RABGAP1L: variants seen among roughly 807,000 people sequenced by gnomAD.
RABGAP1L encodes rab GTPase-activating protein 1-like.
Under a neutral mutation model 137.7 loss-of-function variants are expected in RABGAP1L, and 63 were observed. The ratio of observed to expected loss-of-function variants is 0.46; its 90% confidence interval spans 0.37 to 0.56. RABGAP1L has a LOEUF of 0.56. Ranked by LOEUF, RABGAP1L falls within the 20% of genes least tolerant of loss-of-function variation. The pLI is 0.00. For synonymous variants in RABGAP1L, 431 were observed against 433.7 expected (o/e 0.99, Z 0.08); for missense variants, 1,095 against 1,244.0 (o/e 0.88, Z 1.80).
At chr1:174,606,514 T>A (rs760965925) in intron 13 of RABGAP1L, among the ~76,000 whole-genome samples, 1 of 152,244 alleles carries the variant, frequency 6.6e-6, no homozygotes, top group African/African-American at 2.4e-5. Context: ...CGTTAATTGG[T>A]TGGTCTTTAT....
At chr1:174,412,845 G>A (rs1328358233) in intron 13 of RABGAP1L, among the ~76,000 whole-genome samples, 2 of 151,980 alleles carry the variant, frequency 1.3e-5, no homozygotes, top group Admixed American at 6.6e-5. Flanking sequence ...TAGCCTGATG[G>A]GGTTCCCTTT....
At chr1:174,893,487 GA>G (rs1263987478) in intron 19 of RABGAP1L, among the ~76,000 whole-genome samples, 3 of 151,958 alleles carry the variant, frequency 2.0e-5, no homozygotes. Context: ...TAGGAAGAAA[GA>G]AAAAAACAAA....
chr1:174,886,136 A>G (rs943495828), intron 19 of RABGAP1L, among the ~76,000 whole-genome samples: 1 of 150,202 alleles, frequency 6.7e-6, no homozygotes, highest in African/African-American at 2.5e-5. Context: ...ACCTCAGCCT[A>G]TGGGTAGCTG....
chr1:174,450,326 G>C (rs1655291526), intron 13 of RABGAP1L, among the ~76,000 whole-genome samples: 1 of 152,058 alleles, frequency 6.6e-6, no homozygotes, highest in Non-Finnish European at 1.5e-5. Flanking sequence ...TGTGTGATAT[G>C]CGTTTGCACA....
chr1:174,225,282 T>G lies in RABGAP1L; in HGVS notation c.331+4118T>G, dbSNP rs964629013. 6.6e-5 allele frequency among the ~76,000 whole-genome samples: 10 copies of G among 152,108 alleles called. No homozygotes were observed. In the East Asian group the frequency reaches 1.3e-3, roughly 20 times the overall value. ...GTTTTTTTGTTTCTCTGTGGATAGT[T>G]TTGATATTTTTATTCATTACAGGTG... is the stretch of plus-strand genomic sequence containing the variant. On this transcript the variant is annotated intron_variant, in intron 3 of 25. Coordinates refer to ENST00000681986, the MANE Select transcript of RABGAP1L (RefSeq NM_001366446.1).
chr1:174,174,912 G>A (rs1404592720), intron 1 of RABGAP1L, among the ~76,000 whole-genome samples: 2 of 152,174 alleles, frequency 1.3e-5, no homozygotes, highest in Non-Finnish European at 2.9e-5. Context: ...ATAGGCAAAT[G>A]CGGAAATAAT....
intron 22 of RABGAP1L, among the ~76,000 whole-genome samples, chr1:174,977,819 A>G (rs931621868): frequency 6.6e-6 from 1 of 152,220 alleles, no homozygotes; most frequent in Non-Finnish European, 1.5e-5. Context: ...AGATCAATAT[A>G]AACAACTGAG....
intron 13 of RABGAP1L, among the ~76,000 whole-genome samples, chr1:174,630,788 T>G (rs1307065295): frequency 6.9e-6 from 1 of 145,044 alleles, no homozygotes; most frequent in Admixed American, 6.8e-5. Flanking sequence ...TCTCTTTTTT[T>G]CTTTATTAGT....
chr1:174,975,926 C>T (rs1174563755), intron 21 of RABGAP1L, 152 bp from the exon 22 acceptor site: 1 of 626,078 alleles, frequency 1.6e-6, no homozygotes, highest in Non-Finnish European at 2.8e-6. Flanking sequence ...TCAGTGAAAG[C>T]AGCCATCGCT....
intron 18 of RABGAP1L, among the ~76,000 whole-genome samples, chr1:174,790,486 G>T (rs892887070): frequency 4.6e-5 from 7 of 151,662 alleles, no homozygotes; most frequent in Admixed American, 2.6e-4. Flanking sequence ...AGCCAGGCAT[G>T]ATGGCTGGCT....
intron 17 of RABGAP1L, among the ~76,000 whole-genome samples, chr1:174,714,751 T>C (rs1680861607): frequency 6.6e-6 from 1 of 152,176 alleles, no homozygotes; most frequent in Non-Finnish European, 1.5e-5. Context: ...GTCTGTATTA[T>C]TCTCTATCAA....
intron 7 of RABGAP1L, among the ~76,000 whole-genome samples, chr1:174,256,402 A>G (rs1403919841): frequency 6.6e-6 from 1 of 152,186 alleles, no homozygotes; most frequent in Non-Finnish European, 1.5e-5. Context: ...TTCTGATTAC[A>G]TAGTTAAGAT....
At position 174,402,914 on chromosome 1, in the gene RABGAP1L, A is replaced by G. The variant is rs191582925; in HGVS notation, c.1710+8769A>G. 1.5e-3 allele frequency among the ~76,000 whole-genome samples: 233 copies of G among 152,284 alleles called. 1 individual carries two copies. The highest frequency in any genetic ancestry group is 0.013 in the Admixed American group (204 of 15,284). ...GGCAAGTCAAATTTTATGTAGCATG[A>G]CAGAACTGTGTGTGTACTTTCAGTA... On this transcript the variant is annotated intron_variant, in intron 13 of 25. Transcript: ENST00000681986.
intron 19 of RABGAP1L, among the ~76,000 whole-genome samples, chr1:174,927,460 G>C (rs1176868664): frequency 6.6e-6 from 1 of 152,110 alleles, no homozygotes; most frequent in Admixed American, 6.6e-5. Flanking sequence ...GAACTCCTGA[G>C]CTCATGCAGT....
chr1:174,303,339 A>G (rs1677901194), intron 10 of RABGAP1L, among the ~76,000 whole-genome samples: 1 of 152,120 alleles, frequency 6.6e-6, no homozygotes, highest in South Asian at 2.1e-4. Context: ...TGTTTAAAAT[A>G]TAAAAAGCCT....
At chr1:174,357,552 T>C (rs529854575) in intron 11 of RABGAP1L, among the ~76,000 whole-genome samples, 3 of 152,332 alleles carry the variant, frequency 2.0e-5, no homozygotes, top group Admixed American at 2.0e-4. Context: ...ATGTTGTAGA[T>C]ATTAAACACA....
At chr1:174,445,207 A>C (rs1281931638) in intron 13 of RABGAP1L, among the ~76,000 whole-genome samples, 1 of 152,130 alleles carries the variant, frequency 6.6e-6, no homozygotes, top group Non-Finnish European at 1.5e-5. Context: ...GTTCTAAGTC[A>C]CTTTTAAGAA....
At chr1:174,798,462 A>C (rs1188286701) in intron 18 of RABGAP1L, among the ~76,000 whole-genome samples, 1 of 152,042 alleles carries the variant, frequency 6.6e-6, no homozygotes, top group Non-Finnish European at 1.5e-5. Flanking sequence ...GCAATATATA[A>C]ATATTTCATT....
At chr1:174,888,870 A>G (rs1205833207) in intron 19 of RABGAP1L, among the ~76,000 whole-genome samples, 1 of 152,180 alleles carries the variant, frequency 6.6e-6, no homozygotes, top group African/African-American at 2.4e-5. Flanking sequence ...CTCTGTACAT[A>G]TTTAATGAAT....
Sources: allele counts gnomAD v4.1 joint callset (sites outside exome capture counted in the v4.1 genomes callset), GRCh38; gene constraint gnomAD v4.1.1; transcripts MANE v1.5; gene names NCBI Gene and HGNC (gene_info 2026-07-23, HGNC 2026-07-21).